The following WDR27 variants were observed in gnomAD, a reference collection of about 807,000 sequenced individuals.
WDR27 encodes the protein WD repeat-containing protein 27.
Under a neutral mutation model 114.4 loss-of-function variants are expected in WDR27, and 100 were observed. That is an observed-to-expected ratio of 0.87 (90% CI 0.74 to 1.03). The LOEUF is 1.03. Among genes scored for constraint, WDR27 ranks in the 50% least tolerant of loss-of-function variants. The pLI, the probability that WDR27 is intolerant of heterozygous loss-of-function variation, is 0.00. For missense variants in WDR27, 1,129 were observed against 1,092.9 expected (o/e 1.03, Z -0.47); for synonymous variants, 449 against 423.1 (o/e 1.06, Z -0.75).
At chr6:169,644,221 T>A (rs557559234) in intron 16 of WDR27, among the ~76,000 whole-genome samples, 1,719 of 23,604 alleles carry the variant, frequency 0.073, no homozygotes, top group East Asian at 0.14. Context: ...GTCACACTGT[T>A]GAAAACCCTA....
chr6:169,627,704 T>C (rs1815224971), intron 21 of WDR27, among the ~76,000 whole-genome samples: 1 of 152,112 alleles, frequency 6.6e-6, no homozygotes, highest in Non-Finnish European at 1.5e-5. Flanking sequence ...CAGGAGCTGG[T>C]TGACCTGGTC....
intron 21 of WDR27, among the ~76,000 whole-genome samples, chr6:169,614,796 T>C (rs1811405333): frequency 6.6e-6 from 1 of 152,168 alleles, no homozygotes; most frequent in South Asian, 2.1e-4. Context: ...AACAAATATT[T>C]ACAGATCATC....
chr6:169,623,888 T>C (rs1215785560), intron 21 of WDR27, among the ~76,000 whole-genome samples: 1 of 152,100 alleles, frequency 6.6e-6, no homozygotes, highest in Admixed American at 6.5e-5. Flanking sequence ...CTCTAGGTCC[T>C]AGTAAATGAG....
chr6:169,492,472 T>C (rs1789894691), intron 25 of WDR27, among the ~76,000 whole-genome samples: 1 of 152,118 alleles, frequency 6.6e-6, no homozygotes, highest in South Asian at 2.1e-4. Context: ...AGCAAATTGC[T>C]TATCAGCAAC....
chr6:169,543,528 T>C (rs1349805539), intron 25 of WDR27, among the ~76,000 whole-genome samples: 6 of 152,162 alleles, frequency 3.9e-5, no homozygotes, highest in African/African-American at 2.4e-5. Context: ...TAATAATAAA[T>C]CCATTACCTT....
At chr6:169,460,002 T>C (rs962484153) in intron 25 of WDR27, among the ~76,000 whole-genome samples, 1 of 152,062 alleles carries the variant, frequency 6.6e-6, no homozygotes, top group South Asian at 2.1e-4. Context: ...AGACAGGAAT[T>C]TGAAGGTGTA....
At chr6:169,672,475 G>T in intron 2 of WDR27, 79 bp from the exon 3 acceptor site, 1 of 1,333,724 alleles carries the variant, frequency 7.5e-7, no homozygotes, top group Non-Finnish European at 1.0e-6. Context: ...TCAAACCTAA[G>T]AAATTAAAAG....
At chr6:169,621,805 C>T (rs1256694590) in intron 21 of WDR27, among the ~76,000 whole-genome samples, 1 of 152,186 alleles carries the variant, frequency 6.6e-6, no homozygotes, top group Non-Finnish European at 1.5e-5. Context: ...CATACCCACA[C>T]ATGCATTCAT....
intron 15 of WDR27, 42 bp downstream of exon 15, chr6:169,649,156 G>T (rs1461517844): frequency 7.9e-6 from 12 of 1,513,936 alleles, no homozygotes; most frequent in Non-Finnish European, 1.1e-5. Context: ...GAAAGGTCTA[G>T]GTTATTTCAA....
intron 25 of WDR27, among the ~76,000 whole-genome samples, chr6:169,502,501 G>C (rs1791429773): frequency 6.6e-6 from 1 of 152,192 alleles, no homozygotes; most frequent in African/African-American, 2.4e-5. Context: ...GTCCCGAATG[G>C]GCCGCACTGG....
rs77425017 is a variant in WDR27, at chr6:169,547,460, G to A, written c.2645+24959C>T. 9.7e-3 allele frequency among the ~76,000 whole-genome samples: 1,474 copies of A among 152,216 alleles called. 22 individuals are homozygous for A. The highest frequency in any genetic ancestry group is 0.043 in the East Asian group (223 of 5,188). ...TAATAAGTTGAATCCAACAATGTAC[G>A]AAAGAAATTATACACCTTGACCAGG... On this transcript the variant is annotated intron_variant, in intron 25 of 25. Transcript: ENST00000448612.
At chr6:169,462,189 C>A (rs1396008786) in intron 25 of WDR27, among the ~76,000 whole-genome samples, 1 of 151,742 alleles carries the variant, frequency 6.6e-6, no homozygotes, top group Non-Finnish European at 1.5e-5. Flanking sequence ...ATGGCTCACA[C>A]CTGTAATCTC....
At chr6:169,471,198 G>T in intron 25 of WDR27, among the ~76,000 whole-genome samples, 1 of 147,470 alleles carries the variant, frequency 6.8e-6, no homozygotes, top group African/African-American at 2.5e-5. Flanking sequence ...AATTACTTTT[G>T]CACCAAACTA....
chr6:169,672,177 T>A (rs1778915667), intron 3 of WDR27, 78 bp downstream of exon 3: 2 of 1,481,542 alleles, frequency 1.3e-6, no homozygotes, highest in Non-Finnish European at 1.8e-6. Context: ...AAACACCCCT[T>A]GGGTGGTACC....
chr6:169,513,164 C>T (rs1462420028), intron 25 of WDR27, among the ~76,000 whole-genome samples: 6 of 152,040 alleles, frequency 3.9e-5, no homozygotes, highest in Non-Finnish European at 8.8e-5. Flanking sequence ...TGGTTGGGGG[C>T]GGGCTCAGCA....
At chr6:169,512,776 C>T (rs1028316305) in intron 25 of WDR27, among the ~76,000 whole-genome samples, 12 of 152,108 alleles carry the variant, frequency 7.9e-5, no homozygotes, top group Admixed American at 4.6e-4. Flanking sequence ...AAAAGAAAGT[C>T]ATGTTTGACG....
intron 1 of WDR27, among the ~76,000 whole-genome samples, chr6:169,698,052 AAG>A (rs1786727534): frequency 6.6e-6 from 1 of 152,192 alleles, no homozygotes; most frequent in Non-Finnish European, 1.5e-5. Flanking sequence ...CACTAGTATG[AAG>A]AGTTCACAGA....
Position 169,457,250 on chromosome 6 carries a change from T to A in WDR27, c.*342A>T, listed in dbSNP as rs1784396582. On this transcript the variant is annotated 3_prime_UTR_variant, in exon 26 of 26. Transcript: ENST00000448612. The stretch of plus-strand genomic sequence containing the variant: ...TTTATTTTCACTGCCCAAAAGAAAT[T>A]CTCTCTTTTTTCTTCCAACTCTAAT... 1 of 200,562 alleles carries A rather than the reference T, an allele frequency of 5.0e-6. No individual in the cohort carries two copies. The highest frequency in any genetic ancestry group is 1.0e-5 in the Non-Finnish European group (1 of 98,738). 12.4% of individuals were successfully genotyped at this position (200,562 alleles called of 1,614,324 possible). A position where few individuals can be genotyped will look rare whatever the true frequency, so the allele number is the denominator to read the frequency against.
At position 169,572,313 on chromosome 6, in the gene WDR27, G is replaced by A. The variant is rs558628473; in HGVS notation, c.2645+106C>T. 2.0e-5 allele frequency: 3 copies of A among 152,170 alleles called. No individual in the cohort carries two copies. In the East Asian group the frequency reaches 5.8e-4, roughly 29 times the overall value. The allele number at this position is 152,170 out of a possible 1,614,324, so 9.4% of individuals were successfully genotyped here. On this transcript the variant is annotated intron_variant, in intron 25 of 25. Transcript: ENST00000448612. ...CCCAGCATTTTGGGAGGCCGAGGTG[G>A]GCAGATCACGAGATCAAGAGATCGA...
Sources: gnomAD v4.1 joint callset for allele counts (sites outside exome capture counted in the v4.1 genomes callset) on GRCh38, gnomAD v4.1.1 for gene constraint, MANE v1.5 for transcripts, NCBI Gene and HGNC (gene_info 2026-07-23, HGNC 2026-07-21) for gene names.